ZNF684: variants seen among roughly 807,000 people sequenced by gnomAD.
ZNF684 encodes hypothetical protein MGC27466.
Under a neutral mutation model 12.8 loss-of-function variants are expected in ZNF684, and 13 were observed. The observed-to-expected ratio is 1.02, with a 90% confidence interval of 0.66 to 1.62. The LOEUF (loss-of-function observed/expected upper bound fraction) is 1.62, where lower values mean the gene tolerates loss of function less well. ZNF684 is among the 40% of genes most tolerant of loss of function. The probability of loss-of-function intolerance (pLI) is 0.00; values close to 1 mark genes in which losing one functional copy is unlikely to be tolerated. For synonymous variants in ZNF684, 118 were observed against 151.8 expected (o/e 0.78, Z 1.64); for missense variants, 384 against 446.9 (o/e 0.86, Z 1.27).
intron 4 of ZNF684, chr1:40,544,443 T>A (rs1433860509): frequency 2.4e-6 from 1 of 412,142 alleles, no homozygotes; most frequent in Non-Finnish European, 4.8e-6. Context: ...CAATCTCAGC[T>A]CGGGTTCAAG....
At chr1:40,543,946 G>A (rs906337977) in intron 4 of ZNF684, among the ~76,000 whole-genome samples, 3 of 150,622 alleles carry the variant, frequency 2.0e-5, no homozygotes, top group Admixed American at 1.3e-4. Flanking sequence ...ATACTGTCTT[G>A]GATATATTTT....
intron 2 of ZNF684, among the ~76,000 whole-genome samples, chr1:40,533,700 A>G (rs1455495716): frequency 1.3e-5 from 2 of 152,216 alleles, no homozygotes; most frequent in Non-Finnish European, 2.9e-5. Context: ...ACCTGGATCC[A>G]TAAGTAAATC....
chr1:40,534,236 ATTTTTTTTTTTTT>A (rs556340597), intron 2 of ZNF684, among the ~76,000 whole-genome samples: 1 of 102,598 alleles, frequency 9.7e-6, no homozygotes, highest in Admixed American at 1.1e-4. Context: ...TTTTATTATA[ATTTTTTTTTTTTT>A]TTTTTTTTTG....
At chr1:40,536,004 A>T (rs1164700173) in intron 2 of ZNF684, among the ~76,000 whole-genome samples, 1 of 152,230 alleles carries the variant, frequency 6.6e-6, no homozygotes, top group Non-Finnish European at 1.5e-5. Context: ...CAATGGTCTT[A>T]ACTATCTCTT....
rs915177790 is a variant in ZNF684 at position 40,547,986 on chromosome 1, T to C, written c.*526T>C. 1.3e-5 allele frequency: 2 copies of C among 152,220 alleles called. No individual in the cohort carries two copies. Among genetic ancestry groups the C allele is most frequent in the African/African-American group, 4.8e-5 (2 of 41,452 alleles). The allele number at this position is 152,220 out of a possible 1,614,324, so 9.4% of individuals were successfully genotyped here. On this transcript the variant is annotated 3_prime_UTR_variant, in exon 5 of 5. Coordinates refer to ENST00000372699, the MANE Select transcript of ZNF684 (RefSeq NM_152373.4). ...TTTCTGAATCTGAGTCTCCTTTAAT[T>C]ATACAAGTGAAGACTTCTTATTAAA...
chr1:40,538,056 G>A (rs577909021), intron 2 of ZNF684, among the ~76,000 whole-genome samples: 4 of 151,906 alleles, frequency 2.6e-5, no homozygotes, highest in Non-Finnish European at 5.9e-5. Context: ...TTGAGGCAGG[G>A]TCTCACTGTG....
chr1:40,541,192 G>GTTT, intron 3 of ZNF684: 3 of 139,592 alleles, frequency 2.1e-5, no homozygotes, highest in Admixed American at 7.1e-5. Context: ...GGTCTGTTCT[G>GTTT]TTTTTTTTTT....
chr1:40,534,897 G>A (rs1047001484), intron 2 of ZNF684, among the ~76,000 whole-genome samples: 1 of 152,098 alleles, frequency 6.6e-6, no homozygotes, highest in Non-Finnish European at 1.5e-5. Context: ...GTAGGCTAGG[G>A]CAGGAGGATC....
At chr1:40,540,020 A>T (rs1180302476) in intron 2 of ZNF684, among the ~76,000 whole-genome samples, 1 of 152,100 alleles carries the variant, frequency 6.6e-6, no homozygotes, top group Non-Finnish European at 1.5e-5. Context: ...CTCTTATCAG[A>T]TATATGATTT....
At chr1:40,535,509 T>C (rs1645979157) in intron 2 of ZNF684, among the ~76,000 whole-genome samples, 2 of 152,228 alleles carry the variant, frequency 1.3e-5, no homozygotes, top group Non-Finnish European at 2.9e-5. Context: ...CTGTAATTGC[T>C]AGCCAGAAGT....
At chr1:40,544,284 T>C in intron 4 of ZNF684, 1 of 294,610 alleles carries the variant, frequency 3.4e-6, no homozygotes, top group East Asian at 1.3e-4. Context: ...CAGCAAAACA[T>C]GTTCATATTA....
chr1:40,543,272 A>G (rs1428402960), intron 4 of ZNF684, among the ~76,000 whole-genome samples: 1 of 152,196 alleles, frequency 6.6e-6, no homozygotes, highest in Non-Finnish European at 1.5e-5. Context: ...GATTTATCCA[A>G]ATTATTCTAT....
intron 4 of ZNF684, among the ~76,000 whole-genome samples, chr1:40,542,490 C>T (rs1646022398): frequency 6.6e-6 from 1 of 152,064 alleles, no homozygotes; most frequent in African/African-American, 2.4e-5. Context: ...CTGTTCTCAC[C>T]CTTTCTTACT....
chr1:40,542,305 T>C (rs1646020447), intron 4 of ZNF684, among the ~76,000 whole-genome samples: 1 of 152,222 alleles, frequency 6.6e-6, no homozygotes, highest in African/African-American at 2.4e-5. Context: ...TGTTCTATTT[T>C]ATTTTCCTTT....
intron 3 of ZNF684, chr1:40,541,192 GTT>G (rs372463471): frequency 0.014 from 1,960 of 139,862 alleles, 41 homozygotes; most frequent in African/African-American, 0.049. Flanking sequence ...GGTCTGTTCT[GTT>G]TTTTTTTTTT....
At position 40,547,089 on chromosome 1, in the gene ZNF684, T is replaced by G; in HGVS notation, c.766T>G (p.Ser256Ala). Residue 256 changes from serine to alanine, a missense_variant, in exon 5 of 5, where the codon TCC becomes GCC. Coordinates refer to ENST00000372699, the MANE Select transcript of ZNF684 (RefSeq NM_152373.4). ...SQCGKTFTWN[S>A]SFNQHVKSHT... ...ATGTGGGAAAACATTCACTTGGAACTCCTCATTTAATCAACACGTGAAATC... is the reference window on the plus strand; with the variant it reads ...ATGTGGGAAAACATTCACTTGGAACGCCTCATTTAATCAACACGTGAAATC... 6.2e-7 allele frequency: 1 copy of G among 1,614,208 alleles called. No individual in the cohort carries two copies. Among genetic ancestry groups the G allele is most frequent in the Non-Finnish European group, 8.5e-7 (1 of 1,180,030 alleles).
chr1:40,547,385 C>T lies in ZNF684; in HGVS notation c.1062C>T (p.Pro354=), dbSNP rs1210702570. ...AGATAACTCATACAGGAGAGAAGCC[C>T]TATGAATGTAACAGATGTGGGAAAG... ...RHQITHTGEK[P]YECNRCGKAF... The change falls in exon 5 of 5, where the codon CCC becomes CCT. Residue 354 remains proline, a synonymous_variant. Coordinates refer to ENST00000372699, the MANE Select transcript of ZNF684 (RefSeq NM_152373.4). 7 of 1,614,028 alleles carry T rather than the reference C, an allele frequency of 4.3e-6. No homozygotes were observed. The highest frequency in any genetic ancestry group is 5.1e-6 in the Non-Finnish European group (6 of 1,179,980).
At chr1:40,536,338 G>A (rs1445763663) in intron 2 of ZNF684, among the ~76,000 whole-genome samples, 2 of 148,178 alleles carry the variant, frequency 1.3e-5, no homozygotes, top group African/African-American at 2.5e-5. Context: ...AGCTTGCAGT[G>A]AGCCGAGATC....
rs41268079 is a variant in ZNF684, at chr1:40,547,054, A to C, written c.731A>C (p.Glu244Ala). The change falls in exon 5 of 5, where the codon GAG becomes GCG. Residue 244 changes from glutamate to alanine, a missense_variant. Glu to Ala is a moderately radical substitution (Grantham distance 107). Transcript: ENST00000372699. ...CTTCACACTGGAGAGAAGCCTTATGAGTGCAGTCAATGTGGGAAAACATTC... is the reference window on the plus strand; with the variant it reads ...CTTCACACTGGAGAGAAGCCTTATGCGTGCAGTCAATGTGGGAAAACATTC... ...QRLHTGEKPY[E>A]CSQCGKTFTW... 0.017 allele frequency: 26,694 copies of C among 1,614,206 alleles called. 277 individuals are homozygous for C. The highest frequency in any genetic ancestry group is 0.019 in the Non-Finnish European group (22,613 of 1,180,042).
Sources: allele counts gnomAD v4.1 joint callset (sites outside exome capture counted in the v4.1 genomes callset), GRCh38; gene constraint gnomAD v4.1.1; transcripts MANE v1.5; gene names NCBI Gene and HGNC (gene_info 2026-07-23, HGNC 2026-07-21).